NLGN2: variants seen among roughly 807,000 people sequenced by gnomAD.
The protein encoded by NLGN2 is neuroligin-2.
A neutral mutation model predicts 48.6 loss-of-function variants in NLGN2; 11 were observed. The ratio of observed to expected loss-of-function variants is 0.23; its 90% CI spans 0.14 to 0.37. The LOEUF (loss-of-function observed/expected upper bound fraction) is 0.37, where lower values mean the gene tolerates loss of function less well. NLGN2 is among the 10% of genes least tolerant of loss of function. The pLI, the probability that NLGN2 is intolerant of heterozygous loss-of-function variation, is 1.00. For missense variants in NLGN2, 801 were observed against 1,225.2 expected, an observed-to-expected ratio of 0.65 and a Z score of 5.17; for synonymous variants, 548 against 550.0, an observed-to-expected ratio of 1.00 and a Z score of 0.05.
Position 7,417,547 on chromosome 17 carries a change from C to T in NLGN2, c.2256C>T (p.Gly752=), listed in dbSNP as rs767055716. ...CACTGCAGCTGAAGCGGGGTGGTGG[C>T]GTCGGGGCGGACCCTGCCGAGGCTC... ...LVSLQLKRGG[G]VGADPAEALR... The change falls in exon 7 of 7, where the codon GGC becomes GGT. Residue 752 remains glycine, a synonymous_variant. Transcript: ENST00000302926. 88 of 1,468,194 alleles carry T rather than the reference C, an allele frequency of 6.0e-5. No homozygotes were observed. The highest frequency in any genetic ancestry group is 2.0e-4 in the Middle Eastern group (1 of 4,988). The allele number at this position is 1,468,194 out of a possible 1,614,324, so 90.9% of individuals were successfully genotyped here. A position where few individuals can be genotyped will look rare whatever the true frequency, so the allele number is the denominator to read the frequency against.
chr17:7,415,485 G>A, intron 5 of NLGN2, 26 bp from the exon 6 acceptor site: 4 of 1,605,202 alleles, frequency 2.5e-6, no homozygotes, highest in Non-Finnish European at 2.6e-6. Context: ...TGAGCAGGTG[G>A]TGAGACCCTG....
In NLGN2 at chr17:7,408,354, C is replaced by G. The variant is rs752170365; in HGVS notation, c.99C>G (p.Leu33=). The G allele has an allele frequency of 6.7e-6, 10 of 1,484,414 alleles. No individual in the cohort carries two copies. In the South Asian group the frequency reaches 1.3e-4, roughly 19 times the overall value. 92.0% of individuals were successfully genotyped at this position (1,484,414 alleles called of 1,614,324 possible). A position where few individuals can be genotyped will look rare whatever the true frequency, so the allele number is the denominator to read the frequency against. The change falls in exon 1 of 7, where the codon CTC becomes CTG. Residue 33 remains leucine, a synonymous_variant. Transcript: ENST00000302926. This position sits in a 1 kb window ranked among gnomAD's most constrained non-coding sequence, Gnocchi z 7.5. ...GGAPGGPGLG[L]GSLGEERFPV... is the part of the protein sequence containing the mutation. ...CCCCGGGCGGCCCCGGCCTGGGCCT[C>G]GGCAGCCTCGGCGAGGAGCGCTTCC...
intron 1 of NLGN2, among the ~76,000 whole-genome samples, chr17:7,410,747 G>A (rs1490150522): frequency 6.6e-6 from 1 of 152,150 alleles, no homozygotes; most frequent in East Asian, 1.9e-4. Flanking sequence ...ACCTGCCTGG[G>A]GCCTGACACA....
Position 7,415,707 on chromosome 17 carries a change from A to G in NLGN2, c.1234A>G (p.Asn412Asp). The G allele has an allele frequency of 6.2e-7, 1 of 1,614,216 alleles. No homozygotes were observed. Among genetic ancestry groups the G allele is most frequent in the Non-Finnish European group, 8.5e-7 (1 of 1,180,034 alleles). Residue 412 changes from asparagine (N) to aspartate (D), a missense_variant, in exon 6 of 7, where the codon AAC (asparagine) becomes GAC (aspartate). This residue lies in a region of NLGN2 where 303 missense variants were observed against 600.1 expected (regional missense o/e 0.50). Transcript: ENST00000302926. The part of the protein sequence containing the change: ...SASAFDFTVS[N>D]FVDNLYGYPE... ...CAGCGCCTTTGACTTCACTGTCTCC[A>G]ACTTTGTGGACAACCTGTATGGCTA... is the stretch of plus-strand genomic sequence containing the variant.
chr17:7,416,154 T>G, intron 6 of NLGN2, 47 bp downstream of exon 6: 1 of 1,445,350 alleles, frequency 6.9e-7, no homozygotes, highest in Non-Finnish European at 9.7e-7. Flanking sequence ...CCCTCCCTCC[T>G]TCACATGGCC....
intron 6 of NLGN2, 61 bp from the exon 7 acceptor site, chr17:7,416,865 A>T: frequency 6.3e-7 from 1 of 1,593,774 alleles, no homozygotes; most frequent in African/African-American, 1.3e-5. Flanking sequence ...GCCCACTGCC[A>T]TCCACCCTCC....
At position 7,408,264 on chromosome 17, in the gene NLGN2, C is replaced by T. The variant is rs1906731824; in HGVS notation, c.9C>T (p.Leu3=). MW[L]LALCLVGLAG... The stretch of plus-strand genomic sequence containing the variant: ...GGGGTCCCCCGATCAGCATGTGGCT[C>T]CTGGCGCTGTGTCTGGTGGGGCTGG... Residue 3 remains leucine, a synonymous_variant, in exon 1 of 7, where the codon CTC becomes CTT. Transcript: ENST00000302926. This position sits in a 1 kb window ranked among gnomAD's most constrained non-coding sequence, Gnocchi z 7.5. 1.5e-6 allele frequency: 2 copies of T among 1,317,956 alleles called. No individual in the cohort carries two copies. The highest frequency in any genetic ancestry group is 1.6e-5 in the African/African-American group (1 of 64,312). The allele number at this position is 1,317,956 out of a possible 1,614,324, so 81.6% of individuals were successfully genotyped here.
chr17:7,417,187 T>C lies in NLGN2; in HGVS notation c.1896T>C (p.Arg632=). ...CCTACGCCACGCGCTGGCCGCCTCGTCCCCCCGCTGGCGCCCCGGGCACAC... is the reference window on the plus strand; with the variant it reads ...CCTACGCCACGCGCTGGCCGCCTCGCCCCCCCGCTGGCGCCCCGGGCACAC... ...LPPYATRWPP[R]PPAGAPGTRR... Residue 632 remains arginine, a synonymous_variant, in exon 7 of 7, where the codon CGT becomes CGC. Transcript: ENST00000302926. The C allele has an allele frequency of 6.4e-7, 1 of 1,568,840 alleles. No individual in the cohort carries two copies. Among genetic ancestry groups the C allele is most frequent in the Non-Finnish European group, 8.6e-7 (1 of 1,160,748 alleles).
Position 7,413,107 on chromosome 17 carries a change from T to C in NLGN2, c.508+900T>C, listed in dbSNP as rs976796816. Among the ~76,000 whole-genome samples, 2 of 152,134 alleles carry C rather than the reference T, an allele frequency of 1.3e-5. No homozygotes were observed. Among genetic ancestry groups the C allele is most frequent in the Non-Finnish European group, 2.9e-5 (2 of 68,028 alleles). On this transcript the variant is annotated intron_variant, in intron 2 of 6. Coordinates refer to ENST00000302926, the MANE Select transcript of NLGN2 (RefSeq NM_020795.4). This position sits in a 1 kb window ranked among gnomAD's most constrained non-coding sequence, Gnocchi z 4.9. ...CGGCCTGAAAGTGCTGGGAGGTCAC[T>C]TGAGGTTCAGGAGCAAAGGAGAGGA...
rs1404759852 is a variant in NLGN2, at chr17:7,414,369, T to G, written c.534T>G (p.Pro178=). 2 of 1,574,294 alleles carry G rather than the reference T, an allele frequency of 1.3e-6. No homozygotes were observed. The highest frequency in any genetic ancestry group is 1.7e-6 in the Non-Finnish European group (2 of 1,144,544). ...ATATCCGTGACCCTGGGAAGAAGCC[T>G]GTGATGCTGTTTCTCCATGGCGGCT... ...DTDIRDPGKK[P]VMLFLHGGSY... The change falls in exon 3 of 7, where the codon CCT becomes CCG. Residue 178 remains proline (P), a synonymous_variant. Coordinates refer to ENST00000302926, the MANE Select transcript of NLGN2 (RefSeq NM_020795.4).
upstream of NLGN2, chr17:7,404,814 G>A (rs1906545369): frequency 6.6e-6 from 1 of 151,990 alleles, no homozygotes; most frequent in African/African-American, 2.4e-5. Context: ...CGAGCGGGGG[G>A]TGCGAGCGGG....
At position 7,408,759 on chromosome 17, in the gene NLGN2, A is replaced by C. The variant is rs747435221; in HGVS notation, c.457+47A>C. On this transcript the variant is annotated intron_variant, in intron 1 of 6. Coordinates refer to ENST00000302926, the MANE Select transcript of NLGN2 (RefSeq NM_020795.4). This position sits in a 1 kb window ranked among gnomAD's most constrained non-coding sequence, Gnocchi z 7.5. The stretch of plus-strand genomic sequence containing the variant: ...CGGGCACCCCGTGGACACAGCCCAC[A>C]AACGCACATGCAGACCCTCAGGCAC... 1.2e-6 allele frequency: 2 copies of C among 1,610,678 alleles called. No individual in the cohort carries two copies. The highest frequency in any genetic ancestry group is 2.7e-5 in the African/African-American group (2 of 74,752).
At chr17:7,409,988 G>C (rs933289771) in intron 1 of NLGN2, among the ~76,000 whole-genome samples, 1 of 151,926 alleles carries the variant, frequency 6.6e-6, no homozygotes, top group African/African-American at 2.4e-5. Context: ...TAACCTGCGC[G>C]CCTGGGCCGT....
rs1907209793 is a variant in NLGN2 at position 7,417,943 on chromosome 17, C to G, written c.*144C>G. The G allele has an allele frequency of 1.5e-6, 1 of 667,258 alleles. No homozygotes were observed. Among genetic ancestry groups the G allele is most frequent in the South Asian group, 6.7e-5 (1 of 14,926 alleles). 41.3% of individuals were successfully genotyped at this position (667,258 alleles called of 1,614,324 possible). ...GCTAAGGTGGACATGGGATTCCTCC[C>G]TGCGATGCGTGTCTTTCCCACGCAG... On this transcript the variant is annotated 3_prime_UTR_variant, in exon 7 of 7. Coordinates refer to ENST00000302926, the MANE Select transcript of NLGN2 (RefSeq NM_020795.4).
At chr17:7,407,134 CT>C (rs1332075914), upstream of NLGN2, among the ~76,000 whole-genome samples, 1 of 152,156 alleles carries the variant, frequency 6.6e-6, no homozygotes, top group Non-Finnish European at 1.5e-5. Flanking sequence ...TTGCCCTCCC[CT>C]TCATGCCCTG....
rs1305067585 is a variant in NLGN2 at position 7,415,755 on chromosome 17, C to T, written c.1282C>T (p.Arg428Trp). Residue 428 changes from arginine to tryptophan, a missense_variant, in exon 6 of 7, where the codon CGG becomes TGG. Arg to Trp is a moderately radical substitution (Grantham distance 101). Transcript: ENST00000302926. ...YGYPEGKDVL[R>W]ETIKFMYTDW... Reference sequence around the variant, plus strand: ...CTACCCGGAAGGCAAGGATGTGCTTCGGGAGACCATCAAGTTTATGTACAC... The same window carrying T: ...CTACCCGGAAGGCAAGGATGTGCTTTGGGAGACCATCAAGTTTATGTACAC... 4 of 1,614,234 alleles carry T rather than the reference C, an allele frequency of 2.5e-6. No individual in the cohort carries two copies. The highest frequency in any genetic ancestry group is 3.4e-6 in the Non-Finnish European group (4 of 1,180,038).
At chr17:7,406,064 GGAGA>G (rs1381014279), upstream of NLGN2, among the ~76,000 whole-genome samples, 1 of 152,160 alleles carries the variant, frequency 6.6e-6, no homozygotes, top group Non-Finnish European at 1.5e-5. Flanking sequence ...GGGAAAGACA[GGAGA>G]GAGAGACAGA....
chr17:7,407,239 G>C (rs1469155902), upstream of NLGN2, among the ~76,000 whole-genome samples: 1 of 152,078 alleles, frequency 6.6e-6, no homozygotes, highest in African/African-American at 2.4e-5. Context: ...GTAACATTGC[G>C]GGGCAGCATC....
rs748240362 is a variant in NLGN2, at chr17:7,417,792, G to A, written c.2501G>A (p.Arg834Gln). Residue 834 changes from arginine to glutamine, a missense_variant, in exon 7 of 7, where the codon CGG becomes CAG. Coordinates refer to ENST00000302926, the MANE Select transcript of NLGN2 (RefSeq NM_020795.4). ...NTLPHPHSTT[R>Q]V ...CTACCCCACCCCCACTCCACCACTC[G>A]GGTATAGGGGGTGGGTGGGGAGGCC... 7.4e-6 allele frequency: 10 copies of A among 1,356,264 alleles called. No homozygotes were observed. The highest frequency in any genetic ancestry group is 1.9e-5 in the South Asian group (1 of 53,674). The allele number at this position is 1,356,264 out of a possible 1,614,324, so 84.0% of individuals were successfully genotyped here.
Sources: allele counts gnomAD v4.1 joint callset (sites outside exome capture counted in the v4.1 genomes callset), GRCh38; gene constraint gnomAD v4.1.1; regional missense constraint gnomAD v4.1.1; non-coding constraint Gnocchi (gnomAD v3.1); transcripts MANE v1.5; gene names NCBI Gene and HGNC (gene_info 2026-07-23, HGNC 2026-07-21).